TRDN: variants seen among roughly 807,000 people sequenced by gnomAD.
TRDN encodes the protein triadin in skeletal muscle.
TRDN carries 161 observed loss-of-function variants against 149.7 expected under a neutral mutation model. That is an observed-to-expected ratio of 1.08 (90% CI 0.95 to 1.23). The LOEUF is 1.23. Among genes scored for constraint, TRDN ranks in the 50% most tolerant of loss-of-function variants. TRDN has a pLI of 0.00. For synonymous variants in TRDN, 294 were observed against 250.5 expected (o/e 1.17, Z -1.64); for missense variants, 896 against 823.5 (o/e 1.09, Z -1.08).
At chr6:123,304,588 A>G (rs1778543118) in intron 24 of TRDN, among the ~76,000 whole-genome samples, 1 of 152,086 alleles carries the variant, frequency 6.6e-6, no homozygotes, top group Admixed American at 6.6e-5. Flanking sequence ...AAGTGATTGC[A>G]TATTACTTAT....
chr6:123,607,851 C>CTTTTTTTTTTTTTTT (rs558952808), intron 1 of TRDN, among the ~76,000 whole-genome samples: 1 of 130,514 alleles, frequency 7.7e-6, no homozygotes, highest in African/African-American at 2.7e-5. Flanking sequence ...CTCTTTTAGT[C>CTTTTTTTTTTTTTTT]TTTTTTTTTT....
chr6:123,412,214 A>G (rs553419633), intron 12 of TRDN, among the ~76,000 whole-genome samples: 1 of 152,292 alleles, frequency 6.6e-6, no homozygotes, highest in South Asian at 2.1e-4. Flanking sequence ...TAAAACCACA[A>G]TTTACTTCCC....
At chr6:123,393,713 T>C in intron 12 of TRDN, 36 bp from the exon 13 acceptor site, 7 of 1,565,282 alleles carry the variant, frequency 4.5e-6, no homozygotes, top group Non-Finnish European at 6.1e-6. Context: ...CCATGAAGTA[T>C]GATTTTGGAA....
At chr6:123,284,107 A>G (rs1777716965) in intron 24 of TRDN, among the ~76,000 whole-genome samples, 1 of 136,262 alleles carries the variant, frequency 7.3e-6, no homozygotes. Context: ...ATTGGTACCA[A>G]TTCTGTTGAC....
intron 23 of TRDN, among the ~76,000 whole-genome samples, chr6:123,321,140 C>G (rs1041979147): frequency 1.3e-5 from 2 of 152,214 alleles, no homozygotes; most frequent in South Asian, 2.1e-4. Context: ...CTGCCAGACA[C>G]CAGTTCTGGA....
intron 1 of TRDN, among the ~76,000 whole-genome samples, chr6:123,582,836 G>A (rs1783199149): frequency 8.1e-6 from 1 of 123,996 alleles, no homozygotes; most frequent in Admixed American, 9.2e-5. Flanking sequence ...AATGGGCGAT[G>A]TTTCTCAGGG....
At chr6:123,445,041 A>C (rs1278728655) in intron 10 of TRDN, 1 of 151,948 alleles carries the variant, frequency 6.6e-6, no homozygotes, top group Non-Finnish European at 1.5e-5. Context: ...TCATAAAATG[A>C]GTTGGGGAGG....
At chr6:123,381,842 A>G (rs1291274879) in intron 15 of TRDN, among the ~76,000 whole-genome samples, 2 of 151,964 alleles carry the variant, frequency 1.3e-5, no homozygotes, top group East Asian at 3.9e-4. Flanking sequence ...AAATTTTTCA[A>G]TTTCTTGTTA....
chr6:123,514,959 G>A (rs1779351001), intron 6 of TRDN, among the ~76,000 whole-genome samples: 1 of 151,848 alleles, frequency 6.6e-6, no homozygotes, highest in African/African-American at 2.4e-5. Context: ...GAGAGCATTA[G>A]GACAAATACC....
At chr6:123,581,396 C>A (rs1321084) in intron 1 of TRDN, among the ~76,000 whole-genome samples, 78,700 of 151,848 alleles carry the variant, frequency 0.52, 20,752 homozygotes, top group African/African-American at 0.61. Flanking sequence ...TCAACAAGGC[C>A]CTAGGTAGGG....
At chr6:123,510,550 T>C (rs141116478) in intron 7 of TRDN, among the ~76,000 whole-genome samples, 2 of 152,224 alleles carry the variant, frequency 1.3e-5, no homozygotes, top group African/African-American at 4.8e-5. Context: ...ATTAAAGTGA[T>C]ATACTAATAA....
chr6:123,394,676 T>G (rs1772647853), intron 12 of TRDN, among the ~76,000 whole-genome samples: 1 of 152,128 alleles, frequency 6.6e-6, no homozygotes, highest in African/African-American at 2.4e-5. Flanking sequence ...CTTTACCTCT[T>G]GTTGGTAAGA....
At chr6:123,251,196 C>G (rs1054566198) in intron 38 of TRDN, among the ~76,000 whole-genome samples, 1 of 151,448 alleles carries the variant, frequency 6.6e-6, no homozygotes, top group African/African-American at 2.4e-5. Flanking sequence ...TGAAGCAAGT[C>G]TATGATCACC....
At chr6:123,517,105 A>G (rs188534751) in intron 5 of TRDN, among the ~76,000 whole-genome samples, 19 of 152,260 alleles carry the variant, frequency 1.2e-4, no homozygotes, top group Non-Finnish European at 2.5e-4. Flanking sequence ...AAATAATTAC[A>G]AAGGTGGGTA....
chr6:123,243,651 A>G (rs976397518), intron 38 of TRDN, among the ~76,000 whole-genome samples: 1 of 152,196 alleles, frequency 6.6e-6, no homozygotes, highest in Middle Eastern at 3.2e-3. Flanking sequence ...ACACATTGGA[A>G]ACCTTTATCA....
At position 123,381,956 on chromosome 6, in the gene TRDN, G is replaced by GCTCTCTCT. The variant is rs55997261; in HGVS notation, c.1165+154_1165+161dup. 2.9e-3 allele frequency among the ~76,000 whole-genome samples: 407 copies of GCTCTCTCT among 138,502 alleles called. 2 individuals are homozygous for GCTCTCTCT. Among genetic ancestry groups the GCTCTCTCT allele is most frequent in the African/African-American group, 7.4e-3 (277 of 37,218 alleles). 90.9% of individuals were successfully genotyped at this position (138,502 alleles called of 152,430 possible). The stretch of plus-strand genomic sequence containing the variant: ...GCAGTATTGTCAGAATAGATTTGGC[G>GCTCTCTCT]CTCTCTCTCTCTCTCTCTCTCTCTC... On this transcript the variant is annotated intron_variant, in intron 15 of 40. Coordinates refer to ENST00000334268, the MANE Select transcript of TRDN (RefSeq NM_006073.4).
intron 4 of TRDN, among the ~76,000 whole-genome samples, chr6:123,542,714 C>T (rs9490807): frequency 0.58 from 88,508 of 151,930 alleles, 26,944 homozygotes; most frequent in African/African-American, 0.72. Flanking sequence ...AGTATTTTAT[C>T]TTTGAACATA....
intron 38 of TRDN, among the ~76,000 whole-genome samples, chr6:123,237,883 A>G (rs1191751946): frequency 6.6e-6 from 1 of 152,210 alleles, no homozygotes; most frequent in Non-Finnish European, 1.5e-5. Flanking sequence ...ATACTTGAAG[A>G]AGGCAGAGAG....
chr6:123,331,429 G>A (rs559340878), intron 23 of TRDN, among the ~76,000 whole-genome samples: 1 of 152,146 alleles, frequency 6.6e-6, no homozygotes, highest in East Asian at 1.9e-4. Flanking sequence ...AAGAGGATTG[G>A]ACTACAGTTT....
Sources: gnomAD v4.1 joint callset for allele counts (sites outside exome capture counted in the v4.1 genomes callset) on GRCh38, gnomAD v4.1.1 for gene constraint, MANE v1.5 for transcripts, NCBI Gene and HGNC (gene_info 2026-07-23, HGNC 2026-07-21) for gene names.